SRRT: variants seen among roughly 807,000 people sequenced by gnomAD.
SRRT encodes serrate RNA effector molecule homolog.
SRRT carries 32 observed loss-of-function variants against 103.2 expected under a neutral mutation model. The observed-to-expected ratio is 0.31, with a 90% CI of 0.23 to 0.42. The LOEUF is 0.42. SRRT is among the 10% of genes least tolerant of loss of function. SRRT has a pLI of 1.00. For synonymous variants in SRRT, 525 were observed against 449.0 expected, an observed-to-expected ratio of 1.17 and a Z score of -2.14; for missense variants, 986 against 1,207.5, an observed-to-expected ratio of 0.82 and a Z score of 2.72.
At chr7:100,881,590 C>A in intron 3 of SRRT, 69 bp from the exon 4 acceptor site, 1 of 1,603,432 alleles carries the variant, frequency 6.2e-7, no homozygotes, top group African/African-American at 1.3e-5. Flanking sequence ...GTACCCCCGT[C>A]TGTCCATCCT....
Position 100,885,132 on chromosome 7 carries a change from T to C in SRRT, c.1160-81T>C. The C allele has an allele frequency of 6.2e-7, 1 of 1,602,126 alleles. No homozygotes were observed. Among genetic ancestry groups the C allele is most frequent in the East Asian group, 2.2e-5 (1 of 44,704 alleles). The stretch of plus-strand genomic sequence containing the variant: ...CATTGACGGGAGGGTGGGTGGCTTT[T>C]AGGGGAAAGCTTCTGTATCCTCCCC... On this transcript the variant is annotated intron_variant, in intron 9 of 19. Transcript: ENST00000611405. This position sits in a 1 kb window ranked among gnomAD's most constrained non-coding sequence, Gnocchi z 4.8.
Position 100,882,132 on chromosome 7 carries a change from G to A in SRRT, c.478G>A (p.Asp160Asn). The stretch of plus-strand genomic sequence containing the variant: ...CTTCAAGGAGTTTCTCCTCTCCCTG[G>A]ATGACTCGGTGGATGAGACGGAGGC... ...KTFKEFLLSL[D>N]DSVDETEAVK... The change falls in exon 5 of 20, where the codon GAT becomes AAT. Residue 160 changes from aspartate to asparagine, a missense_variant. Asp to Asn is a conservative substitution (Grantham distance 23, BLOSUM62 1). Around this residue, in one of 6 missense-constraint regions of SRRT, gnomAD observed 274 missense variants for 358.5 expected, o/e 0.76. Transcript: ENST00000611405. This position sits in a 1 kb window ranked among gnomAD's most constrained non-coding sequence, Gnocchi z 4.2. 6.2e-7 allele frequency: 1 copy of A among 1,614,172 alleles called. No individual in the cohort carries two copies. The highest frequency in any genetic ancestry group is 2.2e-5 in the East Asian group (1 of 44,884).
Position 100,886,516 on chromosome 7 carries a change from A to G in SRRT, c.1647+81A>G, listed in dbSNP as rs994161359. The G allele has an allele frequency of 4.2e-6, 6 of 1,415,580 alleles. No individual in the cohort carries two copies. In the South Asian group the frequency reaches 5.4e-5, roughly 13 times the overall value. 87.7% of individuals were successfully genotyped at this position (1,415,580 alleles called of 1,614,324 possible). ...GGCACCTCTGACCTTACCTATCTGT[A>G]GCCTTGAACCCTTGCACCCACTCGC... On this transcript the variant is annotated intron_variant, in intron 13 of 19. Transcript: ENST00000611405.
At position 100,884,393 on chromosome 7, in the gene SRRT, GGAGAA is replaced by G. The variant is rs777681259; in HGVS notation, c.784_788del (p.Glu262Ter). On this transcript the variant is annotated frameshift_variant, in exon 7 of 20. Transcript: ENST00000611405. LOFTEE classifies it high-confidence loss of function. ...CCGTGATTAAGATGGAAGGAGGCAC[GGAGAA>G]TGATCTTCGCATCCTGGAGCAGGAG... 1 of 1,613,534 alleles carries G rather than the reference GGAGAA, an allele frequency of 6.2e-7. No individual in the cohort carries two copies. Among genetic ancestry groups the G allele is most frequent in the Non-Finnish European group, 8.5e-7 (1 of 1,179,876 alleles).
chr7:100,888,192 GAGA>G, intron 18 of SRRT, 49 bp downstream of exon 18: 1 of 1,599,992 alleles, frequency 6.3e-7, no homozygotes, highest in Non-Finnish European at 8.5e-7. Context: ...GTGGCTTTGG[GAGA>G]AGAAAACAGA....
chr7:100,877,622 A>G (rs1172661251), intron 2 of SRRT, among the ~76,000 whole-genome samples: 1 of 151,454 alleles, frequency 6.6e-6, no homozygotes, highest in Non-Finnish European at 1.5e-5. Context: ...CCTGGGTTCA[A>G]GTGATTCTCC....
rs760375605 is a variant in SRRT at position 100,886,790 on chromosome 7, A to T, written c.1648-5A>T. The T allele has an allele frequency of 1.5e-5, 25 of 1,613,900 alleles. No individual in the cohort carries two copies. In the African/African-American group the frequency reaches 3.3e-4, roughly 22 times the overall value. On this transcript the variant is annotated splice_polypyrimidine_tract_variant and splice_region_variant and intron_variant, in intron 13 of 19. Transcript: ENST00000611405. ...TGCCTTACTTGCTTCTCTTCCTCCC[A>T]TCAGAGCCTGCCCTCGCAAAACCCG...
rs199702658 is a variant in SRRT at position 100,884,507 on chromosome 7, G to C, written c.897G>C (p.Glu299Asp). The C allele has an allele frequency of 6.2e-7, 1 of 1,609,912 alleles. No homozygotes were observed. The highest frequency in any genetic ancestry group is 1.7e-4 in the Middle Eastern group (1 of 6,030). ...CTGGAGCAGGCCTAGGGGACGGGGA[G>C]CGCAAAACCAACGACAAGGATGAGA... ...GRAGAGLGDGERKTNDKDEKK... is the reference protein window; with the variant it reads ...GRAGAGLGDGDRKTNDKDEKK... Residue 299 changes from glutamate (E) to aspartate (D), a missense_variant, in exon 7 of 20, where the codon GAG (glutamate) becomes GAC (aspartate). Glu to Asp is a conservative substitution (Grantham distance 45). Around this residue, in one of 6 missense-constraint regions of SRRT, gnomAD observed 166 missense variants for 148.6 expected, o/e 1.12. Coordinates refer to ENST00000611405, the MANE Select transcript of SRRT (RefSeq NM_015908.6).
chr7:100,886,651 T>TA, intron 13 of SRRT, 144 bp from the exon 14 acceptor site: 1 of 1,070,316 alleles, frequency 9.3e-7, no homozygotes, highest in East Asian at 2.6e-5. Flanking sequence ...AAAGCTAAAA[T>TA]AAAGACAAAT....
chr7:100,877,444 C>T (rs968096522), intron 2 of SRRT, among the ~76,000 whole-genome samples: 2 of 145,352 alleles, frequency 1.4e-5, no homozygotes, highest in Non-Finnish European at 3.0e-5. Context: ...AAAAAAAAGC[C>T]ACTTCCATCA....
Position 100,887,586 on chromosome 7 carries a change from G to T in SRRT, c.2169+73G>T. 6.3e-7 allele frequency: 1 copy of T among 1,586,380 alleles called. No individual in the cohort carries two copies. On this transcript the variant is annotated intron_variant, in intron 16 of 19. Transcript: ENST00000611405. The surrounding 1 kb of genome is among the most constrained non-coding windows in gnomAD (Gnocchi z 4.1). ...TTGAGACAGGAAGCCCCCTGGGCAG[G>T]GGTGGGGGAACTGCTTACTGCACTG...
Position 100,884,363 on chromosome 7 carries a change from G to T in SRRT, c.758-5G>T, listed in dbSNP as rs1411521814. 1.2e-6 allele frequency: 2 copies of T among 1,613,440 alleles called. No homozygotes were observed. The highest frequency in any genetic ancestry group is 2.7e-5 in the African/African-American group (2 of 74,850). Reference sequence around the variant, plus strand: ...GGTCATGACCTCTGTTCCCTTTGTTGGTAGCCGTGATTAAGATGGAAGGAG... The same window carrying T: ...GGTCATGACCTCTGTTCCCTTTGTTTGTAGCCGTGATTAAGATGGAAGGAG... On this transcript the variant is annotated splice_polypyrimidine_tract_variant and splice_region_variant and intron_variant, in intron 6 of 19. Transcript: ENST00000611405.
chr7:100,887,638 G>T lies in SRRT; in HGVS notation c.2170-65G>T, dbSNP rs1563025888. 4 of 1,579,826 alleles carry T rather than the reference G, an allele frequency of 2.5e-6. No homozygotes were observed. The South Asian group carries it at 4.6e-5, about 18-fold the overall frequency. ...CAGGCGGGAGCTGGGAATCCTTCCA[G>T]CTCGGGCCTGGGAGCGAGGCAACCC... On this transcript the variant is annotated intron_variant, in intron 16 of 19. Coordinates refer to ENST00000611405, the MANE Select transcript of SRRT (RefSeq NM_015908.6). This position sits in a 1 kb window ranked among gnomAD's most constrained non-coding sequence, Gnocchi z 4.1.
In SRRT at chr7:100,882,278, A is replaced by T. The variant is rs370009003; in HGVS notation, c.587+37A>T. 2.5e-6 allele frequency: 4 copies of T among 1,602,794 alleles called. No homozygotes were observed. Among genetic ancestry groups the T allele is most frequent in the Non-Finnish European group, 3.4e-6 (4 of 1,173,090 alleles). On this transcript the variant is annotated intron_variant, in intron 5 of 19. Coordinates refer to ENST00000611405, the MANE Select transcript of SRRT (RefSeq NM_015908.6). The surrounding 1 kb of genome is among the most constrained non-coding windows in gnomAD (Gnocchi z 4.2). Reference sequence around the variant, plus strand: ...TACTTCCCTGGACCTCTGCCCTGGCATGTCCCCCTGGCCCCGCTGGTGGAG... The same window carrying T: ...TACTTCCCTGGACCTCTGCCCTGGCTTGTCCCCCTGGCCCCGCTGGTGGAG...
intron 2 of SRRT, among the ~76,000 whole-genome samples, chr7:100,880,924 G>A (rs1006351126): frequency 6.6e-6 from 1 of 152,106 alleles, no homozygotes; most frequent in Non-Finnish European, 1.5e-5. Flanking sequence ...TTGAGACAGG[G>A]TCTCTGTTGC....
intron 2 of SRRT, among the ~76,000 whole-genome samples, chr7:100,876,577 C>T (rs758754987): frequency 1.3e-5 from 2 of 152,108 alleles, no homozygotes; most frequent in African/African-American, 4.8e-5. Context: ...CAGATTATTT[C>T]CCTGACAATA....
Position 100,887,962 on chromosome 7 carries a change from T to A in SRRT, c.2327-80T>A. On this transcript the variant is annotated intron_variant, in intron 17 of 19. Transcript: ENST00000611405. The surrounding 1 kb of genome is among the most constrained non-coding windows in gnomAD (Gnocchi z 4.1). ...ACCCCGAGAAGTTTCTGCCCCATCC[T>A]CAGGCCATAGCCCTAGAAGTCAATT... 6.5e-7 allele frequency: 1 copy of A among 1,535,312 alleles called. No homozygotes were observed. Among genetic ancestry groups the A allele is most frequent in the Non-Finnish European group, 8.8e-7 (1 of 1,139,622 alleles).
chr7:100,879,777 A>G lies in SRRT; in HGVS notation c.123-1508A>G, dbSNP rs926753927. Among the ~76,000 whole-genome samples the G allele has an allele frequency of 1.3e-4, 19 of 148,920 alleles. No homozygotes were observed. In the East Asian group the frequency reaches 3.4e-3, roughly 26 times the overall value. ...GAGCCGAGAGTGATTGTGCTGCTGCACTCCAGCCTGAGCGACAGAGTGAGA... is the reference window on the plus strand; with the variant it reads ...GAGCCGAGAGTGATTGTGCTGCTGCGCTCCAGCCTGAGCGACAGAGTGAGA... On this transcript the variant is annotated intron_variant, in intron 2 of 19. Coordinates refer to ENST00000611405, the MANE Select transcript of SRRT (RefSeq NM_015908.6).
At chr7:100,883,201 TA>T (rs893121401) in intron 5 of SRRT, 2 of 152,618 alleles carry the variant, frequency 1.3e-5, no homozygotes, top group Non-Finnish European at 2.9e-5. Context: ...GTCTTTGTCC[TA>T]ATCTCTCAGC....
Sources: allele counts gnomAD v4.1 joint callset (sites outside exome capture counted in the v4.1 genomes callset), GRCh38; gene constraint gnomAD v4.1.1; regional missense constraint gnomAD v4.1.1; non-coding constraint Gnocchi (gnomAD v3.1); transcripts MANE v1.5; gene names NCBI Gene and HGNC (gene_info 2026-07-23, HGNC 2026-07-21).